The following NIBAN1 variants were observed in gnomAD, a reference collection of about 807,000 sequenced individuals.
The protein encoded by NIBAN1 is protein Niban 1.
A neutral mutation model predicts 75.1 loss-of-function variants in NIBAN1; 81 were observed. That is an observed-to-expected ratio of 1.08 (90% CI 0.90 to 1.30). The LOEUF (loss-of-function observed/expected upper bound fraction) is 1.30. NIBAN1 is among the 50% of genes most tolerant of loss of function. The pLI, the probability that NIBAN1 is intolerant of heterozygous loss-of-function variation, is 0.00. For synonymous variants in NIBAN1, 436 were observed against 424.8 expected, an observed-to-expected ratio of 1.03 and a Z score of -0.32; for missense variants, 1,133 against 1,128.1, an observed-to-expected ratio of 1.00 and a Z score of -0.06.
At chr1:184,799,403 T>C (rs1284003738) in intron 12 of NIBAN1, among the ~76,000 whole-genome samples, 2 of 149,018 alleles carry the variant, frequency 1.3e-5, no homozygotes, top group Non-Finnish European at 3.0e-5. Flanking sequence ...TAGTATTCCA[T>C]GGTGTATATG....
chr1:184,819,664 C>A (rs1211002247), intron 8 of NIBAN1, among the ~76,000 whole-genome samples: 2 of 152,244 alleles, frequency 1.3e-5, no homozygotes, highest in East Asian at 3.9e-4. Context: ...GAGCTTGCTC[C>A]GTGGACTAGA....
intron 1 of NIBAN1, among the ~76,000 whole-genome samples, chr1:184,925,693 CA>C (rs201647226): frequency 6.5e-4 from 97 of 149,672 alleles, no homozygotes; most frequent in African/African-American, 2.0e-3. Context: ...AAAGAGAAAA[CA>C]AAAAAAAACT....
At chr1:184,906,279 ACACACACATG>A (rs1657100627) in intron 1 of NIBAN1, among the ~76,000 whole-genome samples, 1 of 150,902 alleles carries the variant, frequency 6.6e-6, no homozygotes, top group Non-Finnish European at 1.5e-5. Context: ...ACACACACAC[ACACACACATG>A]CACACACACA....
chr1:184,931,069 G>A (rs1408449606), intron 1 of NIBAN1, among the ~76,000 whole-genome samples: 7 of 148,210 alleles, frequency 4.7e-5, no homozygotes, highest in Admixed American at 3.4e-4. Flanking sequence ...GCACTGTGTC[G>A]GCTCACTGCA....
Position 184,803,639 on chromosome 1 carries a change from T to G in NIBAN1, c.1500A>C (p.Leu500=). ...TIRKKIFQEA[L]VQITLPTVQK... ...GCACAGTGGGAAGTGTGATTTGAACTAGTGCCTCTTGAAATATCTTCTTTC... is the reference window on the plus strand; with the variant it reads ...GCACAGTGGGAAGTGTGATTTGAACGAGTGCCTCTTGAAATATCTTCTTTC... The change falls in exon 12 of 14, where the codon CTA becomes CTC. Residue 500 remains leucine, a synonymous_variant. Transcript: ENST00000367511. 1 of 1,614,232 alleles carries G rather than the reference T, an allele frequency of 6.2e-7. No homozygotes were observed. Among genetic ancestry groups the G allele is most frequent in the Non-Finnish European group, 8.5e-7 (1 of 1,180,044 alleles).
intron 2 of NIBAN1, among the ~76,000 whole-genome samples, chr1:184,897,329 G>A (rs1286202039): frequency 6.6e-6 from 1 of 151,074 alleles, no homozygotes; most frequent in Non-Finnish European, 1.5e-5. Flanking sequence ...GTGGGTGGGG[G>A]TGGCTATTAT....
At chr1:184,896,075 C>T (rs980825900) in intron 2 of NIBAN1, among the ~76,000 whole-genome samples, 1 of 152,052 alleles carries the variant, frequency 6.6e-6, no homozygotes, top group Non-Finnish European at 1.5e-5. Flanking sequence ...GGGTAGATAC[C>T]CAGTAGTAGG....
At chr1:184,923,779 C>A (rs1406062175) in intron 1 of NIBAN1, among the ~76,000 whole-genome samples, 2 of 151,930 alleles carry the variant, frequency 1.3e-5, no homozygotes, top group East Asian at 3.9e-4. Context: ...TTGTAGAGAT[C>A]TTTCACTTCT....
intron 1 of NIBAN1, among the ~76,000 whole-genome samples, chr1:184,960,974 T>A (rs1313883441): frequency 2.0e-5 from 3 of 147,224 alleles, no homozygotes; most frequent in Non-Finnish European, 4.5e-5. Flanking sequence ...CAAACCTCCC[T>A]CTTGCTCACT....
chr1:184,959,045 A>G (rs1658561862), intron 1 of NIBAN1, among the ~76,000 whole-genome samples: 1 of 152,242 alleles, frequency 6.6e-6, no homozygotes, highest in African/African-American at 2.4e-5. Flanking sequence ...TTAGCTAATC[A>G]TGGAAATTGT....
chr1:184,801,155 C>A (rs7528626), intron 12 of NIBAN1, among the ~76,000 whole-genome samples: 2 of 151,986 alleles, frequency 1.3e-5, no homozygotes. Context: ...ATGGGATTTG[C>A]GGTCTCTTGC....
chr1:184,809,891 TATAAAATATAATCCC>T (rs1431443962), intron 9 of NIBAN1, among the ~76,000 whole-genome samples: 1 of 152,122 alleles, frequency 6.6e-6, no homozygotes, highest in African/African-American at 2.4e-5. Flanking sequence ...CAGAGTAATG[TATAAAATATAATCCC>T]ATTTTTCTTA....
chr1:184,968,341 A>G lies in NIBAN1; in HGVS notation c.55+5961T>C, dbSNP rs1658852548. ...AATTCACAAAGACCAAAGGAAATAG[A>G]AAGTAATTATTGATACTAGCAACTC... On this transcript the variant is annotated intron_variant, in intron 1 of 13. Coordinates refer to ENST00000367511, the MANE Select transcript of NIBAN1 (RefSeq NM_052966.4). Among the ~76,000 whole-genome samples, 4 of 152,358 alleles carry G rather than the reference A, an allele frequency of 2.6e-5. No individual in the cohort carries two copies. In the South Asian group the frequency reaches 8.3e-4, roughly 32 times the overall value.
At chr1:184,868,570 CAGAGA>C (rs1557893756) in intron 5 of NIBAN1, 1 of 152,158 alleles carries the variant, frequency 6.6e-6, no homozygotes, top group Non-Finnish European at 1.5e-5. Context: ...TGTTTAAAAG[CAGAGA>C]AAAGACTTAA....
chr1:184,909,565 T>G (rs1361073707), intron 1 of NIBAN1, among the ~76,000 whole-genome samples: 1 of 152,164 alleles, frequency 6.6e-6, no homozygotes, highest in Non-Finnish European at 1.5e-5. Flanking sequence ...GGAAAAAAAG[T>G]CTATAAACCG....
chr1:184,895,086 G>GA (rs907521770), intron 2 of NIBAN1, among the ~76,000 whole-genome samples: 5 of 151,524 alleles, frequency 3.3e-5, no homozygotes, highest in East Asian at 3.9e-4. Context: ...GAGCTATACA[G>GA]AAAAAAAATA....
intron 1 of NIBAN1, among the ~76,000 whole-genome samples, chr1:184,941,077 A>G (rs1658076848): frequency 6.6e-6 from 1 of 152,228 alleles, no homozygotes; most frequent in Non-Finnish European, 1.5e-5. Flanking sequence ...ATCACTTAGG[A>G]CAGTACCCAA....
intron 3 of NIBAN1, among the ~76,000 whole-genome samples, chr1:184,890,655 T>A (rs1253408462): frequency 6.6e-6 from 1 of 152,238 alleles, no homozygotes; most frequent in Non-Finnish European, 1.5e-5. Context: ...CTAATGAGAC[T>A]GTGGAACACG....
At position 184,887,092 on chromosome 1, in the gene NIBAN1, G is replaced by A. The variant is rs1656546370; in HGVS notation, c.434-2292C>T. Among the ~76,000 whole-genome samples, 5 of 152,330 alleles carry A rather than the reference G, an allele frequency of 3.3e-5. No individual in the cohort carries two copies. The South Asian group carries it at 1.0e-3, about 32-fold the overall frequency. ...GCCGAGATCATGCCACTGCACTCCAGCCTGGGTGACAGAGCGAAACTCCAT... is the reference window on the plus strand; with the variant it reads ...GCCGAGATCATGCCACTGCACTCCAACCTGGGTGACAGAGCGAAACTCCAT... On this transcript the variant is annotated intron_variant, in intron 4 of 13. Transcript: ENST00000367511.
Sources: allele counts gnomAD v4.1 joint callset (sites outside exome capture counted in the v4.1 genomes callset), GRCh38; gene constraint gnomAD v4.1.1; transcripts MANE v1.5; gene names NCBI Gene and HGNC (gene_info 2026-07-23, HGNC 2026-07-21).